SLC35F4: variants seen among roughly 807,000 people sequenced by gnomAD.
SLC35F4 encodes the protein chromosome 14 open reading frame 36.
A neutral mutation model predicts 44.2 loss-of-function variants in SLC35F4; 24 were observed. That is an observed-to-expected ratio of 0.54 (90% CI 0.39 to 0.76). SLC35F4 has a LOEUF of 0.76. Among genes scored for constraint, SLC35F4 ranks in the 30% least tolerant of loss-of-function variants. The pLI, the probability that SLC35F4 is intolerant of heterozygous loss-of-function variation, is 0.00. For missense variants in SLC35F4, 562 were observed against 586.1 expected (o/e 0.96, Z 0.42); for synonymous variants, 238 against 223.6 (o/e 1.06, Z -0.57).
At chr14:57,954,019 A>C (rs563402374) in intron 1 of SLC35F4, among the ~76,000 whole-genome samples, 24 of 152,294 alleles carry the variant, frequency 1.6e-4, no homozygotes, top group African/African-American at 5.8e-4. Context: ...TTGACCACAT[A>C]ATTGGAAGGA....
rs79755184 is a variant in SLC35F4, at chr14:57,660,851, G to A, written c.104-66727C>T. On this transcript the variant is annotated intron_variant, in intron 1 of 7. Transcript: ENST00000556826. ...TGCAATCTCATAAGAGACCTGGGGC[G>A]AGAAACCCTCAGTGAAGCTTACTCC... Among the ~76,000 whole-genome samples, 973 of 152,178 alleles carry A rather than the reference G, an allele frequency of 6.4e-3. 11 individuals carry two copies. The highest frequency in any genetic ancestry group is 0.021 in the African/African-American group (861 of 41,534).
At chr14:57,580,105 TTC>T (rs1357071832) in intron 4 of SLC35F4, among the ~76,000 whole-genome samples, 2 of 152,196 alleles carry the variant, frequency 1.3e-5, no homozygotes, top group East Asian at 1.9e-4. Flanking sequence ...GACTCACAGT[TTC>T]TGATTTTGTC....
chr14:57,981,095 C>T (rs1285281955), intron 1 of SLC35F4, among the ~76,000 whole-genome samples: 1 of 152,196 alleles, frequency 6.6e-6, no homozygotes, highest in Non-Finnish European at 1.5e-5. Context: ...TCCCTTCCCA[C>T]ACTGAAGCCA....
intron 1 of SLC35F4, among the ~76,000 whole-genome samples, chr14:57,606,709 G>T (rs2071186838): frequency 6.6e-6 from 1 of 152,114 alleles, no homozygotes; most frequent in African/African-American, 2.4e-5. Context: ...ACTCCTTTAT[G>T]GACTGTAGAA....
upstream of SLC35F4, among the ~76,000 whole-genome samples, chr14:57,869,788 G>A (rs532368809): frequency 2.6e-4 from 39 of 152,328 alleles, no homozygotes; most frequent in Admixed American, 1.6e-3. Context: ...TGGCACCTGA[G>A]AAAGAAAAAG....
chr14:57,964,770 G>A (rs79450416), intron 1 of SLC35F4, among the ~76,000 whole-genome samples: 7,825 of 152,040 alleles, frequency 0.051, 203 homozygotes, highest in East Asian at 0.089. Flanking sequence ...CCATGGCAGT[G>A]AAGGGTGGCA....
chr14:57,959,783 A>G (rs1890307538), intron 1 of SLC35F4, among the ~76,000 whole-genome samples: 1 of 152,210 alleles, frequency 6.6e-6, no homozygotes. Context: ...AGAGCTTAGT[A>G]AAATGCCTGG....
Position 57,584,165 on chromosome 14 carries a change from AT to A in SLC35F4, c.588-2733del, listed in dbSNP as rs200567058. Among the ~76,000 whole-genome samples, 864 of 152,138 alleles carry A rather than the reference AT, an allele frequency of 5.7e-3. 14 individuals are homozygous for A. Among genetic ancestry groups the A allele is most frequent in the African/African-American group, 0.02 (822 of 41,518 alleles). Reference sequence around the variant, plus strand: ...CGTCCTTGTTAATAATATGGTATATATTTTTTTCTTCCTAAATTTCAAATTC... The same window carrying A: ...CGTCCTTGTTAATAATATGGTATATATTTTTTCTTCCTAAATTTCAAATTC... On this transcript the variant is annotated intron_variant, in intron 3 of 7. Transcript: ENST00000556826.
chr14:57,643,804 TCC>T (rs1162406109), intron 1 of SLC35F4, among the ~76,000 whole-genome samples: 7 of 152,098 alleles, frequency 4.6e-5, no homozygotes, highest in Non-Finnish European at 8.8e-5. Flanking sequence ...TGTGTGATGT[TCC>T]CCTTCCTGTG....
chr14:57,669,504 C>T (rs970323190), intron 1 of SLC35F4, among the ~76,000 whole-genome samples: 4 of 152,038 alleles, frequency 2.6e-5, no homozygotes, highest in Admixed American at 6.5e-5. Context: ...AGATATGTCC[C>T]ATCAATACCT....
At chr14:57,753,612 G>C (rs1207793075) in intron 1 of SLC35F4, among the ~76,000 whole-genome samples, 1 of 151,964 alleles carries the variant, frequency 6.6e-6, no homozygotes, top group African/African-American at 2.4e-5. Context: ...CAAACTTCAG[G>C]GAAACCATGT....
chr14:57,594,312 C>T (rs535937152), intron 1 of SLC35F4, among the ~76,000 whole-genome samples, 188 bp from the exon 2 acceptor site: 3 of 152,312 alleles, frequency 2.0e-5, no homozygotes, highest in Non-Finnish European at 4.4e-5. Flanking sequence ...GCCTCAGCCT[C>T]CCAAGTAGCT....
intron 1 of SLC35F4, among the ~76,000 whole-genome samples, chr14:57,850,215 C>T (rs1329236624): frequency 1.3e-5 from 2 of 152,156 alleles, no homozygotes; most frequent in Non-Finnish European, 2.9e-5. Context: ...CAAAACTGTA[C>T]TTGGGGAGAA....
intron 1 of SLC35F4, among the ~76,000 whole-genome samples, chr14:57,707,596 A>C (rs1162643186): frequency 6.6e-6 from 1 of 152,180 alleles, no homozygotes; most frequent in African/African-American, 2.4e-5. Flanking sequence ...GTATTTCTTC[A>C]TAGCAGCATG....
chr14:57,710,116 G>C (rs1014961756), intron 1 of SLC35F4, among the ~76,000 whole-genome samples: 1 of 152,166 alleles, frequency 6.6e-6, no homozygotes, highest in Non-Finnish European at 1.5e-5. Flanking sequence ...TGGTTTCCTG[G>C]GCTGGGACTC....
chr14:57,758,000 C>CGTGTGTGTGT (rs1566827766), intron 1 of SLC35F4, among the ~76,000 whole-genome samples: 1 of 95,950 alleles, frequency 1.0e-5, no homozygotes, highest in African/African-American at 3.8e-5. Context: ...ATTATAGGTT[C>CGTGTGTGTGT]ATGTGTGTGT....
In SLC35F4 at chr14:57,772,334, G is replaced by A. The variant is rs952924228; in HGVS notation, c.103+93389C>T. Among the ~76,000 whole-genome samples, 5 of 152,104 alleles carry A rather than the reference G, an allele frequency of 3.3e-5. No homozygotes were observed. The South Asian group carries it at 1.0e-3, about 32-fold the overall frequency. The stretch of plus-strand genomic sequence containing the variant: ...TAACTGCTTTCCTGAAGCCAATTAT[G>A]TATGCTAAATAGCCTTCACTGTTTT... On this transcript the variant is annotated intron_variant, in intron 1 of 7. Transcript: ENST00000556826.
At chr14:57,732,233 T>C (rs915430601) in intron 1 of SLC35F4, among the ~76,000 whole-genome samples, 6 of 152,218 alleles carry the variant, frequency 3.9e-5, no homozygotes, top group Non-Finnish European at 8.8e-5. Flanking sequence ...GAAAAATCTA[T>C]CTCAGACTAT....
intron 2 of SLC35F4, among the ~76,000 whole-genome samples, chr14:57,593,491 C>A (rs1368101143): frequency 6.6e-6 from 1 of 152,116 alleles, no homozygotes; most frequent in Non-Finnish European, 1.5e-5. Context: ...AAGTATGAAA[C>A]TGGGAATACT....
Sources: gnomAD v4.1 joint callset for allele counts (sites outside exome capture counted in the v4.1 genomes callset) on GRCh38, gnomAD v4.1.1 for gene constraint, MANE v1.5 for transcripts, NCBI Gene and HGNC (gene_info 2026-07-23, HGNC 2026-07-21) for gene names.